The following FBXW7 variants were observed in gnomAD, a reference collection of about 807,000 sequenced individuals.
The protein encoded by FBXW7 is F-box/WD repeat-containing protein 7.
Under a neutral mutation model 86.3 loss-of-function variants are expected in FBXW7, and 11 were observed. That is an observed-to-expected ratio of 0.13 (90% confidence interval 0.08 to 0.21). The LOEUF (loss-of-function observed/expected upper bound fraction) is 0.21. FBXW7 is among the 10% of genes least tolerant of loss of function. The pLI, the probability that FBXW7 is intolerant of heterozygous loss-of-function variation, is 1.00. For missense variants in FBXW7, 488 were observed against 847.4 expected (o/e 0.58, Z 5.27); for synonymous variants, 313 against 297.9 (o/e 1.05, Z -0.52).
intron 4 of FBXW7, among the ~76,000 whole-genome samples, chr4:152,389,849 T>C (rs79878664): frequency 0.062 from 9,401 of 152,120 alleles, 571 homozygotes; most frequent in East Asian, 0.29. Flanking sequence ...TATTATAGTT[T>C]AGTGAACAAT....
chr4:152,460,152 T>A (rs1338991807), intron 2 of FBXW7, among the ~76,000 whole-genome samples: 1 of 152,228 alleles, frequency 6.6e-6, no homozygotes, highest in Admixed American at 6.5e-5. Flanking sequence ...TTTACCACAT[T>A]TTTAAGTTTT....
In FBXW7 at chr4:152,518,631, T is replaced by C. The variant is rs141118514; in HGVS notation, c.-120+16310A>G. Among the ~76,000 whole-genome samples the C allele has an allele frequency of 3.3e-5, 5 of 152,316 alleles. No individual in the cohort carries two copies. The East Asian group carries it at 9.6e-4, about 29-fold the overall frequency. ...TATACTTAGTATTTGCATGTAACTT[T>C]TGATAAAATTTTATAAAGGCATATA... On this transcript the variant is annotated intron_variant, in intron 2 of 13. Transcript: ENST00000281708.
intron 4 of FBXW7, among the ~76,000 whole-genome samples, chr4:152,369,389 A>G (rs936097250): frequency 5.3e-5 from 8 of 151,864 alleles, no homozygotes; most frequent in African/African-American, 1.9e-4. Context: ...TCTGATATGA[A>G]CTCCACGAGG....
At chr4:152,490,409 G>GA (rs1348482573) in intron 2 of FBXW7, among the ~76,000 whole-genome samples, 2 of 151,928 alleles carry the variant, frequency 1.3e-5, no homozygotes, top group African/African-American at 4.8e-5. Context: ...TAGAACCCAA[G>GA]AAAGTAAAAA....
intron 11 of FBXW7, 151 bp from the exon 12 acceptor site, chr4:152,326,382 C>A: frequency 1.6e-6 from 1 of 638,450 alleles, no homozygotes. Context: ...CAAAAGAAAT[C>A]CTATGTAAAA....
chr4:152,395,644 G>A (rs1434495978), intron 4 of FBXW7, among the ~76,000 whole-genome samples: 1 of 152,058 alleles, frequency 6.6e-6, no homozygotes, highest in South Asian at 2.1e-4. Flanking sequence ...AGCACTTAAA[G>A]TGCTATGCAT....
rs1163736582 is a variant in FBXW7, at chr4:152,483,042, G to A, written c.-120+51899C>T. Among the ~76,000 whole-genome samples, 4 of 151,984 alleles carry A rather than the reference G, an allele frequency of 2.6e-5. No homozygotes were observed. In the South Asian group the frequency reaches 8.3e-4, roughly 32 times the overall value. ...CAGCTTGCTAATATTCTAAAATACA[G>A]ATGTACCATTTCCCTACTGGTGAAC... On this transcript the variant is annotated intron_variant, in intron 2 of 13. Coordinates refer to ENST00000281708, the MANE Select transcript of FBXW7 (RefSeq NM_001349798.2).
In FBXW7 at chr4:152,332,579, G is replaced by A. The variant is rs1269765405; in HGVS notation, c.985+17C>T. ...TTCAAAGTATAAACATATTCTCTAT[G>A]CAATTTTGAACCTTACCCTCTTCTT... On this transcript the variant is annotated intron_variant, in intron 8 of 13. Coordinates refer to ENST00000281708, the MANE Select transcript of FBXW7 (RefSeq NM_001349798.2). 2 of 1,553,902 alleles carry A rather than the reference G, an allele frequency of 1.3e-6. No homozygotes were observed. Among genetic ancestry groups the A allele is most frequent in the Non-Finnish European group, 1.7e-6 (2 of 1,143,076 alleles).
At chr4:152,466,490 G>C (rs1401628348) in intron 2 of FBXW7, among the ~76,000 whole-genome samples, 1 of 151,802 alleles carries the variant, frequency 6.6e-6, no homozygotes, top group East Asian at 1.9e-4. Context: ...GGGAGGCAGA[G>C]GTTGCAGTGA....
chr4:152,359,429 C>T (rs891920792), intron 4 of FBXW7, among the ~76,000 whole-genome samples: 1 of 151,898 alleles, frequency 6.6e-6, no homozygotes, highest in Non-Finnish European at 1.5e-5. Context: ...AGCAAGACCC[C>T]ATTTCTATAA....
In FBXW7 at chr4:152,330,809, T is replaced by C. The variant is rs1729497503; in HGVS notation, c.1045A>G (p.Ser349Gly). Residue 349 changes from serine (S) to glycine (G), a missense_variant, in exon 9 of 14, where the codon AGT (serine) becomes GGT (glycine). Ser to Gly is a moderately conservative substitution (Grantham distance 56, BLOSUM62 0). Around this residue, in one of 4 missense-constraint regions of FBXW7, gnomAD observed 57 missense variants for 62.8 expected, o/e 0.91. Transcript: ENST00000281708. ...CTGATGTATGCACTTTTCCATGGAC[T>C]GTGTATGAAACCTGGTTTTATTACT... is the stretch of plus-strand genomic sequence containing the variant. Reference protein sequence around the residue: ...RKVIKPGFIHSPWKSAYIRQH... With the variant: ...RKVIKPGFIHGPWKSAYIRQH... The C allele has an allele frequency of 1.9e-6, 3 of 1,612,618 alleles. No homozygotes were observed. Among genetic ancestry groups the C allele is most frequent in the Non-Finnish European group, 2.5e-6 (3 of 1,178,984 alleles).
intron 4 of FBXW7, among the ~76,000 whole-genome samples, chr4:152,355,184 C>A (rs1732250297): frequency 6.6e-6 from 1 of 152,010 alleles, no homozygotes; most frequent in African/African-American, 2.4e-5. Flanking sequence ...TTAATATGAA[C>A]AAAGCAAATA....
chr4:152,500,329 T>TGG (rs1746804294), intron 2 of FBXW7, among the ~76,000 whole-genome samples: 1 of 152,042 alleles, frequency 6.6e-6, no homozygotes, highest in Admixed American at 6.6e-5. Context: ...GAGCAAACAA[T>TGG]TAGAACCACT....
At chr4:152,524,545 C>A (rs1317481656) in intron 2 of FBXW7, among the ~76,000 whole-genome samples, 3 of 152,140 alleles carry the variant, frequency 2.0e-5, no homozygotes, top group Admixed American at 1.3e-4. Context: ...ATAATCTAAT[C>A]ATCATTTCAA....
chr4:152,323,254 A>ACCC, intron 13 of FBXW7, 105 bp from the exon 14 acceptor site: 1 of 1,274,620 alleles, frequency 7.8e-7, no homozygotes. Flanking sequence ...AATAAATGCA[A>ACCC]CATTTGAAAT....
intron 2 of FBXW7, among the ~76,000 whole-genome samples, chr4:152,525,920 C>G (rs1244891817): frequency 6.6e-6 from 1 of 152,154 alleles, no homozygotes; most frequent in East Asian, 1.9e-4. Flanking sequence ...ACACTCCCAC[C>G]AACAGTATAT....
intron 2 of FBXW7, among the ~76,000 whole-genome samples, chr4:152,519,299 AAAAT>A (rs372626356): frequency 0.017 from 2,561 of 152,032 alleles, 49 homozygotes; most frequent in African/African-American, 0.049. Flanking sequence ...CTCTGTCTCA[AAAAT>A]AAATAAATAA....
chr4:152,437,488 T>A (rs1740488280), intron 2 of FBXW7, among the ~76,000 whole-genome samples: 1 of 152,174 alleles, frequency 6.6e-6, no homozygotes, highest in Non-Finnish European at 1.5e-5. Flanking sequence ...TGCAATCTCA[T>A]AATAAAACTT....
intron 2 of FBXW7, among the ~76,000 whole-genome samples, chr4:152,430,758 T>C (rs1031263341): frequency 1.3e-5 from 2 of 152,158 alleles, no homozygotes; most frequent in African/African-American, 4.8e-5. Context: ...TCTATTTTAG[T>C]TATGTAACTT....
Sources: gnomAD v4.1 joint callset for allele counts (sites outside exome capture counted in the v4.1 genomes callset) on GRCh38, gnomAD v4.1.1 for gene constraint, gnomAD v4.1.1 regional missense constraint, MANE v1.5 for transcripts, NCBI Gene and HGNC (gene_info 2026-07-23, HGNC 2026-07-21) for gene names.